Variants in LCOR observed in about 807,000 individuals in gnomAD.
LCOR encodes ligand-dependent corepressor.
LCOR carries 14 observed loss-of-function variants against 64.4 expected under a neutral mutation model. The ratio of observed to expected loss-of-function variants is 0.22; its 90% CI spans 0.14 to 0.34. The LOEUF is 0.34. Ranked by LOEUF, LCOR falls within the 10% of genes least tolerant of loss-of-function variation. The pLI, the probability that LCOR is intolerant of heterozygous loss-of-function variation, is 1.00. For synonymous variants in LCOR, 643 were observed against 642.5 expected (o/e 1.00, Z -0.01); for missense variants, 1,686 against 1,765.3 (o/e 0.96, Z 0.80).
At chr10:96,978,167 C>G (rs1448213092) in intron 7 of LCOR, among the ~76,000 whole-genome samples, 1 of 152,182 alleles carries the variant, frequency 6.6e-6, no homozygotes, top group African/African-American at 2.4e-5. Flanking sequence ...CCTGCCTGTT[C>G]CATGAGCAGA....
At chr10:96,888,066 C>G (rs1394763010) in intron 2 of LCOR, among the ~76,000 whole-genome samples, 1 of 150,990 alleles carries the variant, frequency 6.6e-6, no homozygotes, top group Non-Finnish European at 1.5e-5. Context: ...CAAACATTGT[C>G]TTAAAAATGA....
chr10:96,877,779 T>G (rs1387930536), intron 2 of LCOR, among the ~76,000 whole-genome samples: 1 of 151,726 alleles, frequency 6.6e-6, no homozygotes. Context: ...GCCCAGCTAA[T>G]TTTTTGTATT....
chr10:96,983,408 C>A lies in LCOR; in HGVS notation c.2948C>A (p.Pro983His). 1 of 1,614,122 alleles carries A rather than the reference C, an allele frequency of 6.2e-7. No individual in the cohort carries two copies. Among genetic ancestry groups the A allele is most frequent in the Non-Finnish European group, 8.5e-7 (1 of 1,180,030 alleles). ...EQAKEEPGHI[P>H]TQHVEEAVNE... ...GCAAAAGAAGAGCCAGGGCATATTC[C>A]CACACAGCATGTGGAGGAGGCTGTG... Residue 983 changes from proline to histidine, a missense_variant, in exon 8 of 8, where the codon CCC (proline) becomes CAC (histidine). Transcript: ENST00000421806. This position sits in a 1 kb window ranked among gnomAD's most constrained non-coding sequence, Gnocchi z 4.5.
rs939430480 is a variant in LCOR, at chr10:96,832,943, G to A, written c.-403-463G>A. The stretch of plus-strand genomic sequence containing the variant: ...GCGGCGGGCTGCAGGCGGGCGCCCG[G>A]CGCTCGGGCGTGTGCGAAGCGTGAG... On this transcript the variant is annotated intron_variant, in intron 1 of 7. Transcript: ENST00000421806. 5 of 970,888 alleles carry A rather than the reference G, an allele frequency of 5.1e-6. No homozygotes were observed. In the African/African-American group the frequency reaches 8.8e-5, roughly 17 times the overall value. The allele number at this position is 970,888 out of a possible 1,614,324, so 60.1% of individuals were successfully genotyped here. A position where few individuals can be genotyped will look rare whatever the true frequency, so the allele number is the denominator to read the frequency against.
intron 2 of LCOR, among the ~76,000 whole-genome samples, chr10:96,855,636 A>G (rs536194854): frequency 7.9e-5 from 12 of 151,810 alleles, no homozygotes; most frequent in African/African-American, 2.4e-4. Context: ...GGGTTTCACC[A>G]TGTTGGCCAG....
intron 4 of LCOR, among the ~76,000 whole-genome samples, chr10:96,936,623 A>G (rs963793644): frequency 3.3e-5 from 5 of 152,182 alleles, no homozygotes; most frequent in African/African-American, 7.2e-5. Flanking sequence ...GAAATAGGCA[A>G]ATTCCTAGAA....
chr10:96,958,758 C>CT (rs1336341789), intron 7 of LCOR: 4 of 265,196 alleles, frequency 1.5e-5, no homozygotes, highest in Middle Eastern at 1.2e-3. Context: ...CTTTCTCTCT[C>CT]TTTTTTTGAG....
chr10:96,845,277 A>G (rs898913033), intron 2 of LCOR, among the ~76,000 whole-genome samples: 1 of 151,994 alleles, frequency 6.6e-6, no homozygotes, highest in African/African-American at 2.4e-5. Context: ...TGCCTTCAGT[A>G]AGAAAAAATG....
intron 4 of LCOR, among the ~76,000 whole-genome samples, chr10:96,916,587 C>CCA (rs375266535): frequency 2.9e-5 from 4 of 138,256 alleles, no homozygotes; most frequent in African/African-American, 8.3e-5. Flanking sequence ...TATTTAAAGG[C>CCA]TATATATATA....
At position 96,977,847 on chromosome 10, in the gene LCOR, A is replaced by AT. The variant is rs368386258; in HGVS notation, c.333-2940dup. On this transcript the variant is annotated intron_variant, in intron 7 of 7. Coordinates refer to ENST00000421806, the MANE Select transcript of LCOR (RefSeq NM_001346516.2). ...GTTAGCAAGCACAGCTAGCCCAGTG[A>AT]TTTTTTACTGAAGCACTTTTAATTT... is the stretch of plus-strand genomic sequence containing the variant. 4.0e-3 allele frequency among the ~76,000 whole-genome samples: 604 copies of AT among 152,226 alleles called. 5 individuals are homozygous for AT. Among genetic ancestry groups the AT allele is most frequent in the African/African-American group, 0.014 (590 of 41,544 alleles).
chr10:96,924,359 C>T (rs925572109), intron 4 of LCOR, among the ~76,000 whole-genome samples: 2 of 150,476 alleles, frequency 1.3e-5, no homozygotes, highest in African/African-American at 2.5e-5. Flanking sequence ...TGTGCCTCTA[C>T]GCCCAGCCAA....
rs1848149094 is a variant in LCOR at position 96,986,251 on chromosome 10, A to G, written c.*1117A>G. ...GAGTTGAGTAATTAGCAAAGGACAGATGGTTTAAAAGTAGCCCAGTGTCTC... is the reference window on the plus strand; with the variant it reads ...GAGTTGAGTAATTAGCAAAGGACAGGTGGTTTAAAAGTAGCCCAGTGTCTC... On this transcript the variant is annotated 3_prime_UTR_variant, in exon 8 of 8. Coordinates refer to ENST00000421806, the MANE Select transcript of LCOR (RefSeq NM_001346516.2). 1 of 166,354 alleles carries G rather than the reference A, an allele frequency of 6.0e-6. No homozygotes were observed. Among genetic ancestry groups the G allele is most frequent in the Non-Finnish European group, 1.5e-5 (1 of 68,126 alleles). The allele number at this position is 166,354 out of a possible 1,614,324, so 10.3% of individuals were successfully genotyped here.
In LCOR at chr10:96,984,082, G is replaced by T; in HGVS notation, c.3622G>T (p.Gly1208Ter). 6.2e-7 allele frequency: 1 copy of T among 1,614,080 alleles called. No homozygotes were observed. Among genetic ancestry groups the T allele is most frequent in the Non-Finnish European group, 8.5e-7 (1 of 1,179,976 alleles). Reference sequence around the variant, plus strand: ...GAAGAAGCTCAATACTCGCCTTCCAGGAGACGTTCCCCCTGTCAAGCATCC... The same window carrying T: ...GAAGAAGCTCAATACTCGCCTTCCATGAGACGTTCCCCCTGTCAAGCATCC... ...IVKKLNTRLP[G>*]DVPPVKHPLQ... The change falls in exon 8 of 8, where the codon GGA becomes TGA. Residue 1208 changes from glycine (G) to a stop codon, truncating the protein, a stop_gained. Coordinates refer to ENST00000421806, the MANE Select transcript of LCOR (RefSeq NM_001346516.2). LOFTEE classifies it high-confidence loss of function.
chr10:96,870,837 A>G (rs557303855), intron 2 of LCOR, among the ~76,000 whole-genome samples: 91 of 152,320 alleles, frequency 6.0e-4, no homozygotes, highest in Non-Finnish European at 9.6e-4. Flanking sequence ...ATTGAGCTAG[A>G]GATGTACAAA....
chr10:96,979,930 G>T (rs1001892563), intron 7 of LCOR, among the ~76,000 whole-genome samples: 2 of 152,222 alleles, frequency 1.3e-5, no homozygotes, highest in African/African-American at 4.8e-5. Context: ...AATTGCCTGA[G>T]CTCAGGAGTT....
chr10:96,913,328 T>C lies in LCOR; in HGVS notation c.-184+5581T>C, dbSNP rs1053922095. ...CACTGAGATTTTTTGATTACAGATA[T>C]GTTGATAGTATGAAGAGCTAATCCA... On this transcript the variant is annotated intron_variant, in intron 4 of 7. Transcript: ENST00000421806. Among the ~76,000 whole-genome samples the C allele has an allele frequency of 6.6e-5, 10 of 152,172 alleles. No individual in the cohort carries two copies. In the East Asian group the frequency reaches 1.7e-3, roughly 26 times the overall value.
rs1036007972 is a variant in LCOR at position 96,994,040 on chromosome 10, A to T, written c.*8906A>T. 1.3e-5 allele frequency: 2 copies of T among 152,132 alleles called. No homozygotes were observed. Among genetic ancestry groups the T allele is most frequent in the Admixed American group, 1.3e-4 (2 of 15,280 alleles). The allele number at this position is 152,132 out of a possible 1,614,324, so 9.4% of individuals were successfully genotyped here. A position where few individuals can be genotyped will look rare whatever the true frequency, so the allele number is the denominator to read the frequency against. The stretch of plus-strand genomic sequence containing the variant: ...CTCCTTCATGTCATAGAACTCTAGC[A>T]ATGGATGAGAAATCTGCCAGCACCA... On this transcript the variant is annotated 3_prime_UTR_variant, in exon 8 of 8. Coordinates refer to ENST00000421806, the MANE Select transcript of LCOR (RefSeq NM_001346516.2).
At chr10:96,907,181 A>T (rs1229063267) in intron 2 of LCOR, 84 bp from the exon 3 acceptor site, 4 of 391,200 alleles carry the variant, frequency 1.0e-5, no homozygotes, top group East Asian at 1.7e-4. Flanking sequence ...GGAAGAAAAC[A>T]CCATCTTTTT....
chr10:96,907,453 G>A (rs1846748649), intron 3 of LCOR, 123 bp downstream of exon 3: 1 of 224,382 alleles, frequency 4.5e-6, no homozygotes, highest in Admixed American at 6.5e-5. Flanking sequence ...ATTCATGTAA[G>A]CATCTTTTTG....
Sources: gnomAD v4.1 joint callset for allele counts (sites outside exome capture counted in the v4.1 genomes callset) on GRCh38, gnomAD v4.1.1 for gene constraint, Gnocchi (gnomAD v3.1) non-coding constraint, MANE v1.5 for transcripts, NCBI Gene and HGNC (gene_info 2026-07-23, HGNC 2026-07-21) for gene names.